Variants in LPCAT1 observed in about 807,000 individuals in gnomAD.
LPCAT1 encodes 1-acylglycerol-3-phosphate O-acyltransferase.
In LPCAT1, 23 loss-of-function variants were observed where a neutral mutation model predicts 60.9. The ratio of observed to expected loss-of-function variants is 0.38; its 90% CI spans 0.27 to 0.53. The LOEUF is 0.53. Ranked by LOEUF, LPCAT1 falls within the 20% of genes least tolerant of loss-of-function variation. The probability of loss-of-function intolerance (pLI) is 0.82; values close to 1 mark genes in which losing one functional copy is unlikely to be tolerated. For missense variants in LPCAT1, 622 were observed against 723.6 expected (o/e 0.86, Z 1.61); for synonymous variants, 340 against 301.1 (o/e 1.13, Z -1.34).
intron 1 of LPCAT1, among the ~76,000 whole-genome samples, chr5:1,516,621 T>C (rs1281291628): frequency 6.7e-6 from 1 of 149,694 alleles, no homozygotes; most frequent in Non-Finnish European, 1.5e-5. Context: ...AGAAACTGTT[T>C]TCTTTCTTTC....
At chr5:1,515,991 G>C (rs913432792) in intron 1 of LPCAT1, among the ~76,000 whole-genome samples, 4 of 152,260 alleles carry the variant, frequency 2.6e-5, no homozygotes, top group Non-Finnish European at 5.9e-5. Context: ...AGTGGGCAGG[G>C]GCTGTGGGCC....
At chr5:1,518,682 C>T (rs1477403637) in intron 1 of LPCAT1, among the ~76,000 whole-genome samples, 1 of 152,210 alleles carries the variant, frequency 6.6e-6, no homozygotes, top group Non-Finnish European at 1.5e-5. Context: ...CCAGCACCGA[C>T]CATGGCTGTG....
chr5:1,485,700 G>C (rs1472240932), intron 5 of LPCAT1, among the ~76,000 whole-genome samples: 17 of 152,276 alleles, frequency 1.1e-4, no homozygotes, highest in Non-Finnish European at 1.5e-5. Context: ...TCTGCTCACA[G>C]CCTGTGCAGG....
chr5:1,505,852 G>A (rs1736170698), intron 1 of LPCAT1, among the ~76,000 whole-genome samples: 1 of 152,208 alleles, frequency 6.6e-6, no homozygotes, highest in South Asian at 2.1e-4. Flanking sequence ...GCGACCCTCT[G>A]CACCAGCTCC....
rs550462645 is a variant in LPCAT1, at chr5:1,476,875, G to A, written c.899+529C>T. ...GGGCGTGTGAGCCGACAGCACTGCC[G>A]GCCATGCAAGCAGGGGACCTGGGAC... On this transcript the variant is annotated intron_variant, in intron 9 of 13. Transcript: ENST00000283415. This position sits in a 1 kb window ranked among gnomAD's most constrained non-coding sequence, Gnocchi z 8.6. Among the ~76,000 whole-genome samples, 59 of 152,202 alleles carry A rather than the reference G, an allele frequency of 3.9e-4. No homozygotes were observed. Among genetic ancestry groups the A allele is most frequent in the African/African-American group, 1.3e-3 (52 of 41,526 alleles).
intron 3 of LPCAT1, 126 bp from the exon 4 acceptor site, chr5:1,489,984 G>T: frequency 1.4e-6 from 1 of 712,818 alleles, no homozygotes; most frequent in Non-Finnish European, 2.5e-6. Context: ...CAGGGGCTGT[G>T]CCATGGGTGG....
At position 1,521,584 on chromosome 5, in the gene LPCAT1, C is replaced by T. The variant is rs111367657; in HGVS notation, c.135+2126G>A. ...ACTTTGAGAACGTTTACAAACTAAA[C>T]CCTTGAGCCACACATTGCAGACATC... On this transcript the variant is annotated intron_variant, in intron 1 of 13. Coordinates refer to ENST00000283415, the MANE Select transcript of LPCAT1 (RefSeq NM_024830.5). This position sits in a 1 kb window ranked among gnomAD's most constrained non-coding sequence, Gnocchi z 4.3. 7 of 589,840 alleles carry T rather than the reference C, an allele frequency of 1.2e-5. No homozygotes were observed. In the African/African-American group the frequency reaches 1.2e-4, roughly 10 times the overall value. 36.5% of individuals were successfully genotyped at this position (589,840 alleles called of 1,614,324 possible).
rs962017122 is a variant in LPCAT1, at chr5:1,522,391, A to C, written c.135+1319T>G. ...GCGTGTGGCAGACAGAGGGCCAGGC[A>C]GAGCGGCGGCAGAGGGGCCGGCACC... On this transcript the variant is annotated intron_variant, in intron 1 of 13. Coordinates refer to ENST00000283415, the MANE Select transcript of LPCAT1 (RefSeq NM_024830.5). This position sits in a 1 kb window ranked among gnomAD's most constrained non-coding sequence, Gnocchi z 6.8. Among the ~76,000 whole-genome samples the C allele has an allele frequency of 6.6e-6, 1 of 152,164 alleles. No homozygotes were observed. Among genetic ancestry groups the C allele is most frequent in the Non-Finnish European group, 1.5e-5 (1 of 68,010 alleles).
Position 1,496,249 on chromosome 5 carries a change from C to T in LPCAT1, c.279-1335G>A, listed in dbSNP as rs1020648132. On this transcript the variant is annotated intron_variant, in intron 2 of 13. Transcript: ENST00000283415. This position sits in a 1 kb window ranked among gnomAD's most constrained non-coding sequence, Gnocchi z 4.7. ...GGTGGCAGGCGTCTGTAATCCCAGC[C>T]ACTCAGGAGGCTGAGGCAGGAGAAC... is the stretch of plus-strand genomic sequence containing the variant. Among the ~76,000 whole-genome samples the T allele has an allele frequency of 9.9e-5, 15 of 152,082 alleles. No homozygotes were observed. Among genetic ancestry groups the T allele is most frequent in the African/African-American group, 3.4e-4 (14 of 41,508 alleles).
At chr5:1,503,259 G>C (rs1000499166) in intron 1 of LPCAT1, among the ~76,000 whole-genome samples, 1 of 152,224 alleles carries the variant, frequency 6.6e-6, no homozygotes, top group Non-Finnish European at 1.5e-5. Context: ...CCACAAATCT[G>C]TTATCCCGCC....
chr5:1,518,433 T>C (rs575700148), intron 1 of LPCAT1, among the ~76,000 whole-genome samples: 42 of 152,326 alleles, frequency 2.8e-4, no homozygotes, highest in Middle Eastern at 3.4e-3. Context: ...CTCCGCCTCC[T>C]GGGTTCACGC....
Position 1,474,567 on chromosome 5 carries a change from C to A in LPCAT1, c.1018G>T (p.Gly340Cys). The change falls in exon 10 of 14, where the codon GGC becomes TGC. Residue 340 changes from glycine to cysteine, a missense_variant. Physicochemically the swap from Gly to Cys is radical, Grantham distance 159. Around this residue, in one of 3 missense-constraint regions of LPCAT1, gnomAD observed 288 missense variants for 283.6 expected, o/e 1.02. Transcript: ENST00000283415. Reference sequence around the variant, plus strand: ...GAAGAACCAGGTACTCACCCGAGGCCCCGCACGAGCCTGGCAAATTCTAAA... The same window carrying A: ...GAAGAACCAGGTACTCACCCGAGGCACCGCACGAGCCTGGCAAATTCTAAA... ...CLLEFARLVRGLGLKPEKLEK... is the reference protein window; with the variant it reads ...CLLEFARLVRCLGLKPEKLEK... 6.2e-7 allele frequency: 1 copy of A among 1,613,910 alleles called. No homozygotes were observed. The highest frequency in any genetic ancestry group is 2.2e-5 in the East Asian group (1 of 44,886).
intron 12 of LPCAT1, among the ~76,000 whole-genome samples, chr5:1,470,135 C>T (rs1734606193): frequency 6.6e-6 from 1 of 152,236 alleles, no homozygotes; most frequent in South Asian, 2.1e-4. Flanking sequence ...TAATGTGAGT[C>T]ACACCCTGTG....
Position 1,495,755 on chromosome 5 carries a change from G to A in LPCAT1, c.279-841C>T, listed in dbSNP as rs1735766492. Reference sequence around the variant, plus strand: ...CTGGGTTAAGTGGGCGCATCACACTGGGTAAAACTACTGCACAGAGAAACA... The same window carrying A: ...CTGGGTTAAGTGGGCGCATCACACTAGGTAAAACTACTGCACAGAGAAACA... On this transcript the variant is annotated intron_variant, in intron 2 of 13. Transcript: ENST00000283415. The surrounding 1 kb of genome is among the most constrained non-coding windows in gnomAD (Gnocchi z 4.7). Among the ~76,000 whole-genome samples, 1 of 152,154 alleles carries A rather than the reference G, an allele frequency of 6.6e-6. No homozygotes were observed. Among genetic ancestry groups the A allele is most frequent in the Non-Finnish European group, 1.5e-5 (1 of 68,032 alleles).
chr5:1,521,629 T>A lies in LPCAT1; in HGVS notation c.135+2081A>T. 1 of 260,860 alleles carries A rather than the reference T, an allele frequency of 3.8e-6. No individual in the cohort carries two copies. Among genetic ancestry groups the A allele is most frequent in the Non-Finnish European group, 6.0e-6 (1 of 167,482 alleles). 16.2% of individuals were successfully genotyped at this position (260,860 alleles called of 1,614,324 possible). A position where few individuals can be genotyped will look rare whatever the true frequency, so the allele number is the denominator to read the frequency against. ...GACATCCAGCAGAAACGACTGGATGTACAAACACACCTAATTCCTCAGATG... is the reference window on the plus strand; with the variant it reads ...GACATCCAGCAGAAACGACTGGATGAACAAACACACCTAATTCCTCAGATG... On this transcript the variant is annotated intron_variant, in intron 1 of 13. Coordinates refer to ENST00000283415, the MANE Select transcript of LPCAT1 (RefSeq NM_024830.5). This position sits in a 1 kb window ranked among gnomAD's most constrained non-coding sequence, Gnocchi z 4.3.
intron 12 of LPCAT1, chr5:1,467,449 G>A (rs898299393): frequency 1.3e-5 from 2 of 152,460 alleles, no homozygotes; most frequent in Admixed American, 6.5e-5. Flanking sequence ...TCTCTCCTGA[G>A]CCTCACAGGT....
chr5:1,463,512 C>T lies in LPCAT1; in HGVS notation c.*139G>A, dbSNP rs1734192338. 2 of 863,188 alleles carry T rather than the reference C, an allele frequency of 2.3e-6. No homozygotes were observed. Among genetic ancestry groups the T allele is most frequent in the East Asian group, 5.3e-5 (2 of 37,612 alleles). The allele number at this position is 863,188 out of a possible 1,614,324, so 53.5% of individuals were successfully genotyped here. A position where few individuals can be genotyped will look rare whatever the true frequency, so the allele number is the denominator to read the frequency against. On this transcript the variant is annotated 3_prime_UTR_variant, in exon 14 of 14. Coordinates refer to ENST00000283415, the MANE Select transcript of LPCAT1 (RefSeq NM_024830.5). ...ACAAAGGAACAAGATACAAACAGCC[C>T]CCGAGGCCCCTGGAACTCGGGCTGA...
chr5:1,493,341 C>G (rs139140008), intron 3 of LPCAT1, among the ~76,000 whole-genome samples: 1 of 152,284 alleles, frequency 6.6e-6, no homozygotes, highest in Non-Finnish European at 1.5e-5. Flanking sequence ...ACCCCACTTC[C>G]AGCCTTCCTA....
chr5:1,480,468 C>T lies in LPCAT1; in HGVS notation c.761+474G>A, dbSNP rs1043771558. 2 of 654,372 alleles carry T rather than the reference C, an allele frequency of 3.1e-6. No homozygotes were observed. Among genetic ancestry groups the T allele is most frequent in the African/African-American group, 3.9e-5 (2 of 50,888 alleles). 40.5% of individuals were successfully genotyped at this position (654,372 alleles called of 1,614,324 possible). A position where few individuals can be genotyped will look rare whatever the true frequency, so the allele number is the denominator to read the frequency against. ...GGCCCCGGGCTTCTCCTCTGGGGCT[C>T]GTTCCCGTTTCCGTGGGGTTGTTCA... On this transcript the variant is annotated intron_variant, in intron 7 of 13. Coordinates refer to ENST00000283415, the MANE Select transcript of LPCAT1 (RefSeq NM_024830.5). The surrounding 1 kb of genome is among the most constrained non-coding windows in gnomAD (Gnocchi z 6.4).
Sources: gnomAD v4.1 joint callset for allele counts (sites outside exome capture counted in the v4.1 genomes callset) on GRCh38, gnomAD v4.1.1 for gene constraint, gnomAD v4.1.1 regional missense constraint, Gnocchi (gnomAD v3.1) non-coding constraint, MANE v1.5 for transcripts, NCBI Gene and HGNC (gene_info 2026-07-23, HGNC 2026-07-21) for gene names.